The following DST variants were observed in gnomAD, a reference collection of about 807,000 sequenced individuals.
The protein encoded by DST is bullous pemphigoid antigen.
In DST, 253 loss-of-function variants were observed where a neutral mutation model predicts 875.2. That is an observed-to-expected ratio of 0.29 (90% CI 0.26 to 0.32). The LOEUF (loss-of-function observed/expected upper bound fraction) is 0.32, where lower values mean the gene tolerates loss of function less well. Among genes scored for constraint, DST ranks in the 10% least tolerant of loss-of-function variants. The pLI, the probability that DST is intolerant of heterozygous loss-of-function variation, is 1.00. For synonymous variants in DST, 3,124 were observed against 3,197.1 expected, an observed-to-expected ratio of 0.98 and a Z score of 0.77; for missense variants, 8,287 against 9,111.6, an observed-to-expected ratio of 0.91 and a Z score of 3.68.
In DST at chr6:56,480,361, C is replaced by T. The variant is rs76911661; in HGVS notation, c.21531+1689G>A. Among the ~76,000 whole-genome samples, 1,110 of 152,274 alleles carry T rather than the reference C, an allele frequency of 7.3e-3. 7 individuals carry two copies. The highest frequency in any genetic ancestry group is 0.011 in the Non-Finnish European group (780 of 68,008). ...GAGAACAGCTGATACAAATAATGTA[C>T]TTTCAATCACTTCTACACCTAGAGG... is the stretch of plus-strand genomic sequence containing the variant. On this transcript the variant is annotated intron_variant, in intron 90 of 103. Coordinates refer to ENST00000680361, the MANE Select transcript of DST (RefSeq NM_001374736.1).
At chr6:56,613,623 A>AT (rs2098573839) in intron 37 of DST, among the ~76,000 whole-genome samples, 1 of 152,118 alleles carries the variant, frequency 6.6e-6, no homozygotes, top group Non-Finnish European at 1.5e-5. Context: ...GCGGAAATTT[A>AT]TTTTTTTAAT....
intron 22 of DST, among the ~76,000 whole-genome samples, chr6:56,638,421 T>A (rs894554577): frequency 6.6e-6 from 1 of 152,190 alleles, no homozygotes; most frequent in African/African-American, 2.4e-5. Flanking sequence ...AGAATTGTAC[T>A]AATCTTTTGA....
At position 56,670,638 on chromosome 6, in the gene DST, T is replaced by C; in HGVS notation, c.1214+3A>G. On this transcript the variant is annotated splice_donor_region_variant and intron_variant, in intron 10 of 103. Coordinates refer to ENST00000680361, the MANE Select transcript of DST (RefSeq NM_001374736.1). ...ATAAGGAAAAAATACACAAATTCCA[T>C]ACCTGTATTTATGAATGATGGCATT... 2 of 1,555,108 alleles carry C rather than the reference T, an allele frequency of 1.3e-6. No individual in the cohort carries two copies. The highest frequency in any genetic ancestry group is 1.2e-5 in the South Asian group (1 of 81,236).
chr6:56,593,396 AG>A (rs1047481000), intron 48 of DST, among the ~76,000 whole-genome samples: 1 of 151,520 alleles, frequency 6.6e-6, no homozygotes, highest in African/African-American at 2.4e-5. Flanking sequence ...ACATGCCTGT[AG>A]TCCCAGCTAG....
chr6:56,726,525 A>G (rs534468706), intron 5 of DST, among the ~76,000 whole-genome samples: 1 of 152,348 alleles, frequency 6.6e-6, no homozygotes, highest in South Asian at 2.1e-4. Context: ...CCTACTACCT[A>G]GCTATAAATG....
At chr6:56,725,547 G>A (rs1390569022) in intron 5 of DST, among the ~76,000 whole-genome samples, 1 of 152,152 alleles carries the variant, frequency 6.6e-6, no homozygotes, top group African/African-American at 2.4e-5. Flanking sequence ...GGGCCCCTGG[G>A]TAGAAGAGGG....
In DST at chr6:56,482,105, T is replaced by C. The variant is rs1288123535; in HGVS notation, c.21476A>G (p.His7159Arg). The change falls in exon 90 of 104, where the codon CAT (histidine) becomes CGT (arginine). Residue 7159 changes from histidine (H) to arginine (R), a missense_variant. Coordinates refer to ENST00000680361, the MANE Select transcript of DST (RefSeq NM_001374736.1). Reference protein sequence around the residue: ...LAEAEQTLRFHGVLPDDEDAL... With the variant: ...LAEAEQTLRFRGVLPDDEDAL... Reference sequence around the variant, plus strand: ...ATCCTCATCATCTGGGAGGACACCATGGAAACGCAGGGTTTGCTCCGCCTC... The same window carrying C: ...ATCCTCATCATCTGGGAGGACACCACGGAAACGCAGGGTTTGCTCCGCCTC... 4 of 1,613,596 alleles carry C rather than the reference T, an allele frequency of 2.5e-6. No individual in the cohort carries two copies. The highest frequency in any genetic ancestry group is 1.7e-5 in the Admixed American group (1 of 59,958).
chr6:56,631,779 G>T (rs912194303), intron 29 of DST, 104 bp downstream of exon 29: 1 of 1,013,886 alleles, frequency 9.9e-7, no homozygotes, highest in Non-Finnish European at 1.6e-6. Context: ...ACACTAGACT[G>T]GCTAGTGTGA....
At chr6:56,895,990 A>G (rs1410011043) in intron 3 of DST, among the ~76,000 whole-genome samples, 5 of 56,936 alleles carry the variant, frequency 8.8e-5, no homozygotes, top group African/African-American at 4.9e-4. Flanking sequence ...TTGGCTCGGC[A>G]TGAGAGGGAG....
rs775018754 is a variant in DST at position 56,508,573 on chromosome 6, C to T, written c.19195G>A (p.Gly6399Arg). The change falls in exon 75 of 104, where the codon GGA (glycine) becomes AGA (arginine). Residue 6399 changes from glycine to arginine, a missense_variant. Gly to Arg is a moderately radical substitution (Grantham distance 125). Transcript: ENST00000680361. Reference protein sequence around the residue: ...QDFIRDLEDPGIDPSVVKQQQ... With the variant: ...QDFIRDLEDPRIDPSVVKQQQ... ...TGTTTTACTACTGAAGGATCAATTC[C>T]AGGATCTTCCAGGTCCCGGATGAAA... 6.2e-7 allele frequency: 1 copy of T among 1,613,836 alleles called. No individual in the cohort carries two copies. Among genetic ancestry groups the T allele is most frequent in the East Asian group, 2.2e-5 (1 of 44,868 alleles).
Position 56,607,084 on chromosome 6 carries a change from C to T in DST, c.7544G>A (p.Ser2515Asn). ...YGQKSLNMISSNPQVQYHNDK... is the reference protein window; with the variant it reads ...YGQKSLNMISNNPQVQYHNDK... ...ATTGTGATATTGTACTTGAGGATTA[C>T]TAGAAATCATATTTAAAGATTTCTG... Residue 2515 changes from serine to asparagine, a missense_variant, in exon 40 of 104, where the codon AGT becomes AAT. Coordinates refer to ENST00000680361, the MANE Select transcript of DST (RefSeq NM_001374736.1). The T allele has an allele frequency of 6.2e-7, 1 of 1,613,048 alleles. No homozygotes were observed. The highest frequency in any genetic ancestry group is 1.3e-5 in the African/African-American group (1 of 74,998).
intron 3 of DST, among the ~76,000 whole-genome samples, chr6:56,862,516 G>A (rs1771747104): frequency 6.6e-6 from 1 of 151,978 alleles, no homozygotes; most frequent in South Asian, 2.1e-4. Flanking sequence ...ATCACAGCAG[G>A]GCTTGCATGT....
intron 60 of DST, among the ~76,000 whole-genome samples, chr6:56,554,005 G>A (rs913102623): frequency 2.0e-5 from 3 of 151,042 alleles, no homozygotes; most frequent in Non-Finnish European, 4.4e-5. Context: ...AAGTGATGAT[G>A]GCAAAGTTCT....
rs1240933240 is a variant in DST at position 56,779,953 on chromosome 6, T to C, written c.626-44664A>G. ...ATGTGTTCTCATTGTTCAATTCCCATCTATGAGTGAGAACATGGGGTGTTT... is the reference window on the plus strand; with the variant it reads ...ATGTGTTCTCATTGTTCAATTCCCACCTATGAGTGAGAACATGGGGTGTTT... On this transcript the variant is annotated intron_variant, in intron 4 of 103. Coordinates refer to ENST00000680361, the MANE Select transcript of DST (RefSeq NM_001374736.1). Among the ~76,000 whole-genome samples the C allele has an allele frequency of 1.1e-4, 15 of 141,898 alleles. No individual in the cohort carries two copies. The South Asian group carries it at 1.1e-3, about 11-fold the overall frequency. The allele number at this position is 141,898 out of a possible 152,430, so 93.1% of individuals were successfully genotyped here.
chr6:56,520,090 A>C (rs1183422404), intron 69 of DST, among the ~76,000 whole-genome samples: 1 of 152,228 alleles, frequency 6.6e-6, no homozygotes, highest in Non-Finnish European at 1.5e-5. Context: ...GTAGAACTGA[A>C]AAATGTAACT....
At chr6:56,666,120 T>C (rs190537009) in intron 10 of DST, among the ~76,000 whole-genome samples, 19 of 152,326 alleles carry the variant, frequency 1.2e-4, no homozygotes, top group Non-Finnish European at 2.2e-4. Flanking sequence ...TAGAAAATTA[T>C]ATTTTCTACG....
rs116122454 is a variant in DST at position 56,520,646 on chromosome 6, C to T, written c.18130-3026G>A. Reference sequence around the variant, plus strand: ...TTTAATTTTAATAAGACATTGTATACGTGTATCAAAATAACTTATGTACCT... The same window carrying T: ...TTTAATTTTAATAAGACATTGTATATGTGTATCAAAATAACTTATGTACCT... On this transcript the variant is annotated intron_variant, in intron 69 of 103. Transcript: ENST00000680361. 6.4e-3 allele frequency among the ~76,000 whole-genome samples: 973 copies of T among 151,900 alleles called. 5 individuals carry two copies. Among genetic ancestry groups the T allele is most frequent in the African/African-American group, 0.023 (933 of 41,420 alleles).
At chr6:56,845,378 GA>G (rs200592561) in intron 4 of DST, among the ~76,000 whole-genome samples, 2 of 150,828 alleles carry the variant, frequency 1.3e-5, no homozygotes, top group South Asian at 2.1e-4. Context: ...GTACTCGTGG[GA>G]AAAAAAAACT....
intron 4 of DST, among the ~76,000 whole-genome samples, chr6:56,738,853 G>A (rs1357187121): frequency 1.3e-5 from 2 of 151,680 alleles, no homozygotes; most frequent in Non-Finnish European, 2.9e-5. Flanking sequence ...GAACACCTAA[G>A]CTCACGCCAT....
Sources: gnomAD v4.1 joint callset for allele counts (sites outside exome capture counted in the v4.1 genomes callset) on GRCh38, gnomAD v4.1.1 for gene constraint, MANE v1.5 for transcripts, NCBI Gene and HGNC (gene_info 2026-07-23, HGNC 2026-07-21) for gene names.